Variants in ZFYVE28 observed in about 807,000 individuals in gnomAD.
ZFYVE28 encodes the protein zinc finger FYVE-type containing 28.
A neutral mutation model predicts 82.1 loss-of-function variants in ZFYVE28; 40 were observed. That is an observed-to-expected ratio of 0.49 (90% CI 0.38 to 0.63). The LOEUF (loss-of-function observed/expected upper bound fraction) is 0.63, where lower values mean the gene tolerates loss of function less well. Among genes scored for constraint, ZFYVE28 ranks in the 30% least tolerant of loss-of-function variants. The pLI is 0.00. For synonymous variants in ZFYVE28, 612 were observed against 546.1 expected, an observed-to-expected ratio of 1.12 and a Z score of -1.68; for missense variants, 1,321 against 1,242.1, an observed-to-expected ratio of 1.06 and a Z score of -0.96.
intron 6 of ZFYVE28, chr4:2,330,708 C>T: frequency 1.4e-6 from 2 of 1,458,028 alleles, no homozygotes; most frequent in African/African-American, 1.4e-5. Flanking sequence ...GCAGAGGGGA[C>T]AGCGTGGAGG....
chr4:2,288,933 T>A (rs995490429), intron 8 of ZFYVE28, among the ~76,000 whole-genome samples: 2 of 152,164 alleles, frequency 1.3e-5, no homozygotes, highest in African/African-American at 4.8e-5. Context: ...ACCACTGCAC[T>A]CCAGCCTGGG....
At chr4:2,398,691 G>GT (rs567151479) in intron 1 of ZFYVE28, among the ~76,000 whole-genome samples, 2,980 of 28,320 alleles carry the variant, frequency 0.11, 614 homozygotes, top group Middle Eastern at 0.18. Flanking sequence ...AGGGCACAAT[G>GT]GGGGGTCGAG....
intron 1 of ZFYVE28, among the ~76,000 whole-genome samples, chr4:2,393,404 A>G (rs1451683218): frequency 6.6e-6 from 1 of 152,152 alleles, no homozygotes; most frequent in Admixed American, 6.5e-5. Flanking sequence ...ATTCCCAACT[A>G]TGCAAAAAAG....
In ZFYVE28 at chr4:2,337,484, G is replaced by C; in HGVS notation, c.534C>G (p.Ala178=). The change falls in exon 5 of 13, where the codon GCC becomes GCG. Residue 178 remains alanine (A), a synonymous_variant. Coordinates refer to ENST00000290974, the MANE Select transcript of ZFYVE28 (RefSeq NM_020972.3). Reference sequence around the variant, plus strand: ...CCCTGGGGGACTTCACAGGCACCATGGCCGAGACGTAGCTGCAAACACATG... The same window carrying C: ...CCCTGGGGGACTTCACAGGCACCATCGCCGAGACGTAGCTGCAAACACATG... The part of the protein sequence containing the change: ...FAEFELSYVS[A]MVPVKSPREY... 4.4e-6 allele frequency: 7 copies of C among 1,607,644 alleles called. No homozygotes were observed. Among genetic ancestry groups the C allele is most frequent in the Non-Finnish European group, 5.9e-6 (7 of 1,176,738 alleles).
At chr4:2,406,197 C>A (rs1190576904) in intron 1 of ZFYVE28, among the ~76,000 whole-genome samples, 1 of 151,906 alleles carries the variant, frequency 6.6e-6, no homozygotes, top group Non-Finnish European at 1.5e-5. Context: ...CATGATGAAA[C>A]CCCATCTCTG....
In ZFYVE28 at chr4:2,335,497, C is replaced by T. The variant is rs191576847; in HGVS notation, c.701+208G>A. Reference sequence around the variant, plus strand: ...ATCTAGGGTGACAGAGCCTCCCTCACCAGCAAGGTGAACAGGGGGCACTCA... The same window carrying T: ...ATCTAGGGTGACAGAGCCTCCCTCATCAGCAAGGTGAACAGGGGGCACTCA... On this transcript the variant is annotated intron_variant, in intron 6 of 12. Coordinates refer to ENST00000290974, the MANE Select transcript of ZFYVE28 (RefSeq NM_020972.3). This position sits in a 1 kb window ranked among gnomAD's most constrained non-coding sequence, Gnocchi z 5.8. 1.2e-3 allele frequency among the ~76,000 whole-genome samples: 178 copies of T among 152,296 alleles called. No homozygotes were observed. The highest frequency in any genetic ancestry group is 2.0e-3 in the Non-Finnish European group (135 of 68,022).
intron 1 of ZFYVE28, among the ~76,000 whole-genome samples, chr4:2,406,249 G>A (rs185483790): frequency 5.3e-5 from 8 of 151,748 alleles, no homozygotes; most frequent in African/African-American, 1.9e-4. Context: ...GTGCACACCT[G>A]TAATCCCAGC....
At chr4:2,313,830 C>A (rs1388370777) in intron 7 of ZFYVE28, among the ~76,000 whole-genome samples, 2 of 137,584 alleles carry the variant, frequency 1.5e-5, no homozygotes, top group Admixed American at 7.9e-5. Context: ...GCCTGGGCGA[C>A]AGAGTGAGAC....
chr4:2,352,809 G>T (rs778569635), intron 2 of ZFYVE28, among the ~76,000 whole-genome samples: 2 of 152,128 alleles, frequency 1.3e-5, no homozygotes, highest in Admixed American at 1.3e-4. Context: ...AAGCACACAG[G>T]TCACAGAGCA....
intron 1 of ZFYVE28, among the ~76,000 whole-genome samples, chr4:2,363,960 C>T (rs1034874412): frequency 1.3e-5 from 2 of 152,210 alleles, no homozygotes; most frequent in Non-Finnish European, 2.9e-5. Flanking sequence ...CCCTGCCTGA[C>T]GGTGGAAGAC....
At chr4:2,330,951 G>T (rs776025778) in intron 6 of ZFYVE28, 20 of 1,535,348 alleles carry the variant, frequency 1.3e-5, no homozygotes, top group Non-Finnish European at 1.7e-5. Flanking sequence ...GACACAGGTG[G>T]ATGGGTGAGG....
chr4:2,369,653 T>A lies in ZFYVE28; in HGVS notation c.40-15580A>T, dbSNP rs535588311. ...AAGGTGAAAGGCACACAGAGGAGAATGCCATGTGAAGATGGGGCGGAGATC... is the reference window on the plus strand; with the variant it reads ...AAGGTGAAAGGCACACAGAGGAGAAAGCCATGTGAAGATGGGGCGGAGATC... On this transcript the variant is annotated intron_variant, in intron 1 of 12. Transcript: ENST00000290974. Among the ~76,000 whole-genome samples the A allele has an allele frequency of 1.4e-4, 22 of 151,924 alleles. 1 individual carries two copies. In the East Asian group the frequency reaches 4.1e-3, roughly 28 times the overall value.
intron 1 of ZFYVE28, among the ~76,000 whole-genome samples, chr4:2,358,963 A>C (rs1184472041): frequency 6.8e-6 from 1 of 147,446 alleles, no homozygotes; most frequent in Non-Finnish European, 1.5e-5. Flanking sequence ...CACTATGGCC[A>C]GCCAATTTTT....
chr4:2,300,940 C>T lies in ZFYVE28; in HGVS notation c.2051+3349G>A, dbSNP rs769453450. ...CAGCTGAGGCAAATACCACCCTCTC[C>T]GTCTCAGTCTCTCCCACTGCAGAAT... On this transcript the variant is annotated intron_variant, in intron 8 of 12. Coordinates refer to ENST00000290974, the MANE Select transcript of ZFYVE28 (RefSeq NM_020972.3). The surrounding 1 kb of genome is among the most constrained non-coding windows in gnomAD (Gnocchi z 4.6). Among the ~76,000 whole-genome samples the T allele has an allele frequency of 5.9e-5, 9 of 152,156 alleles. No individual in the cohort carries two copies. The highest frequency in any genetic ancestry group is 8.8e-5 in the Non-Finnish European group (6 of 68,036).
chr4:2,376,399 GT>G (rs1364157804), intron 1 of ZFYVE28, among the ~76,000 whole-genome samples: 1 of 114,520 alleles, frequency 8.7e-6, no homozygotes, highest in Non-Finnish European at 1.8e-5. Flanking sequence ...AAAAAAAAAA[GT>G]TTTTAAATTC....
chr4:2,275,431 G>T (rs555820559), intron 8 of ZFYVE28, among the ~76,000 whole-genome samples: 1 of 152,242 alleles, frequency 6.6e-6, no homozygotes, highest in East Asian at 1.9e-4. Flanking sequence ...TACTCTTGAC[G>T]TTTAAATTTC....
At chr4:2,315,036 A>G (rs1718007143) in intron 7 of ZFYVE28, among the ~76,000 whole-genome samples, 1 of 152,138 alleles carries the variant, frequency 6.6e-6, no homozygotes, top group Non-Finnish European at 1.5e-5. Context: ...TTGGCCTCCC[A>G]AAGTGCTGGG....
At chr4:2,346,137 G>C (rs1034232452) in intron 2 of ZFYVE28, among the ~76,000 whole-genome samples, 1 of 150,048 alleles carries the variant, frequency 6.7e-6, no homozygotes. Flanking sequence ...GACCATCCTG[G>C]CTAATACGGT....
intron 1 of ZFYVE28, among the ~76,000 whole-genome samples, chr4:2,401,383 G>A (rs1731157427): frequency 6.6e-6 from 1 of 152,202 alleles, no homozygotes; most frequent in Non-Finnish European, 1.5e-5. Flanking sequence ...GGCTAGGGCA[G>A]GAGTCCCGGT....
Sources: allele counts gnomAD v4.1 joint callset (sites outside exome capture counted in the v4.1 genomes callset), GRCh38; gene constraint gnomAD v4.1.1; non-coding constraint Gnocchi (gnomAD v3.1); transcripts MANE v1.5; gene names NCBI Gene and HGNC (gene_info 2026-07-23, HGNC 2026-07-21).